Variants in TMEM163 observed in about 807,000 individuals in gnomAD.
The protein encoded by TMEM163 is transmembrane protein 163.
In TMEM163, 17 loss-of-function variants were observed where a neutral mutation model predicts 29.3. The observed-to-expected ratio is 0.58, with a 90% CI of 0.40 to 0.87. TMEM163 has a LOEUF of 0.87. Among genes scored for constraint, TMEM163 ranks in the 40% least tolerant of loss-of-function variants. The pLI, the probability that TMEM163 is intolerant of heterozygous loss-of-function variation, is 0.00. For synonymous variants in TMEM163, 157 were observed against 160.6 expected (o/e 0.98, Z 0.17); for missense variants, 303 against 381.5 (o/e 0.79, Z 1.71).
intron 2 of TMEM163, among the ~76,000 whole-genome samples, chr2:134,564,719 T>C (rs187914120): frequency 5.0e-4 from 76 of 152,210 alleles, no homozygotes; most frequent in Non-Finnish European, 1.0e-3. Flanking sequence ...TGAAAGATGA[T>C]ACACAAATGA....
chr2:134,515,241 C>T (rs969593527), intron 4 of TMEM163, among the ~76,000 whole-genome samples: 1 of 152,128 alleles, frequency 6.6e-6, no homozygotes, highest in African/African-American at 2.4e-5. Flanking sequence ...AATAATCTTA[C>T]TGAATCAAAA....
chr2:134,656,553 C>G (rs762519687), intron 2 of TMEM163, among the ~76,000 whole-genome samples: 1 of 152,196 alleles, frequency 6.6e-6, no homozygotes, highest in Non-Finnish European at 1.5e-5. Flanking sequence ...TGTTCCTATT[C>G]GGCCATCTTG....
rs116524599 is a variant in TMEM163 at position 134,661,429 on chromosome 2, G to A, written c.322+51771C>T. ...ATTTATTTGCAGGAGAACTTATATC[G>A]ATGGGCAAATGAAAGGAATGCAGCC... On this transcript the variant is annotated intron_variant, in intron 2 of 7. Transcript: ENST00000281924. Among the ~76,000 whole-genome samples the A allele has an allele frequency of 2.8e-3, 433 of 152,266 alleles. 3 individuals carry two copies. Among genetic ancestry groups the A allele is most frequent in the African/African-American group, 9.8e-3 (406 of 41,560 alleles).
At chr2:134,467,263 A>C (rs1686690482) in intron 5 of TMEM163, 1 of 152,204 alleles carries the variant, frequency 6.6e-6, no homozygotes, top group Non-Finnish European at 1.5e-5. Context: ...CAAGAGTTGG[A>C]GATTAATCTC....
intron 2 of TMEM163, among the ~76,000 whole-genome samples, chr2:134,563,361 G>T (rs1026627750): frequency 6.6e-6 from 1 of 152,210 alleles, no homozygotes; most frequent in Non-Finnish European, 1.5e-5. Flanking sequence ...TATTAGAGCA[G>T]TGAGGCACTG....
intron 1 of TMEM163, among the ~76,000 whole-genome samples, 183 bp downstream of exon 1, chr2:134,718,551 G>A (rs1245338687): frequency 6.6e-6 from 1 of 152,186 alleles, no homozygotes; most frequent in Non-Finnish European, 1.5e-5. Flanking sequence ...CAGCCGAGGC[G>A]GTGCCGGCCG....
chr2:134,535,881 C>T (rs1680530041), intron 4 of TMEM163, among the ~76,000 whole-genome samples: 1 of 152,144 alleles, frequency 6.6e-6, no homozygotes, highest in Non-Finnish European at 1.5e-5. Context: ...CACCACGACG[C>T]CTGGCTTATT....
chr2:134,519,743 C>A (rs1680151753), intron 4 of TMEM163, among the ~76,000 whole-genome samples: 1 of 150,778 alleles, frequency 6.6e-6, no homozygotes, highest in South Asian at 2.1e-4. Context: ...ATACAAAAAT[C>A]CACCAGGCGT....
chr2:134,588,847 G>T (rs77185525), intron 2 of TMEM163, among the ~76,000 whole-genome samples: 78 of 152,154 alleles, frequency 5.1e-4, no homozygotes, highest in Middle Eastern at 3.4e-3. Context: ...CAAAACGTTG[G>T]GGGGGGAAGA....
rs556753666 is a variant in TMEM163 at position 134,511,143 on chromosome 2, G to C, written c.459-8146C>G. 4.6e-5 allele frequency among the ~76,000 whole-genome samples: 5 copies of C among 109,304 alleles called. No individual in the cohort carries two copies. In the East Asian group the frequency reaches 2.5e-3, roughly 54 times the overall value. The allele number at this position is 109,304 out of a possible 152,430, so 71.7% of individuals were successfully genotyped here. ...TACAGAGACAAAGCAGAAAAAAGGGGAGAACAAGGCGGGGGGGGGTGCTGT... is the reference window on the plus strand; with the variant it reads ...TACAGAGACAAAGCAGAAAAAAGGGCAGAACAAGGCGGGGGGGGGTGCTGT... On this transcript the variant is annotated intron_variant, in intron 4 of 7. Coordinates refer to ENST00000281924, the MANE Select transcript of TMEM163 (RefSeq NM_030923.5).
At chr2:134,566,963 G>A (rs1487386590) in intron 2 of TMEM163, among the ~76,000 whole-genome samples, 2 of 152,168 alleles carry the variant, frequency 1.3e-5, no homozygotes, top group African/African-American at 4.8e-5. Context: ...AAGCTTCTGT[G>A]TGTGCATGGG....
intron 4 of TMEM163, among the ~76,000 whole-genome samples, chr2:134,538,305 C>T (rs925983458): frequency 3.3e-5 from 5 of 152,114 alleles, no homozygotes; most frequent in Non-Finnish European, 7.4e-5. Flanking sequence ...TGAACCAGGC[C>T]CTCTCCAGAC....
chr2:134,642,896 T>C (rs1471999211), intron 2 of TMEM163, among the ~76,000 whole-genome samples: 1 of 152,118 alleles, frequency 6.6e-6, no homozygotes, highest in African/African-American at 2.4e-5. Context: ...CATTAAATGC[T>C]TATCTTTTTA....
At chr2:134,674,236 A>G (rs896236284) in intron 2 of TMEM163, among the ~76,000 whole-genome samples, 1 of 152,108 alleles carries the variant, frequency 6.6e-6, no homozygotes. Context: ...TTTTGCACTT[A>G]ACACATTACA....
In TMEM163 at chr2:134,717,584, T is replaced by C. The variant is rs537974578; in HGVS notation, c.202+1150A>G. On this transcript the variant is annotated intron_variant, in intron 1 of 7. Coordinates refer to ENST00000281924, the MANE Select transcript of TMEM163 (RefSeq NM_030923.5). Reference sequence around the variant, plus strand: ...AAAAATGTACAGGAGATACTAAGAATAGGACAGAAACCTGCTAAGTCTAAA... The same window carrying C: ...AAAAATGTACAGGAGATACTAAGAACAGGACAGAAACCTGCTAAGTCTAAA... Among the ~76,000 whole-genome samples, 4 of 152,222 alleles carry C rather than the reference T, an allele frequency of 2.6e-5. No individual in the cohort carries two copies. In the East Asian group the frequency reaches 7.7e-4, roughly 29 times the overall value.
chr2:134,506,554 G>A, intron 4 of TMEM163, among the ~76,000 whole-genome samples: 1 of 152,082 alleles, frequency 6.6e-6, no homozygotes, highest in East Asian at 1.9e-4. Context: ...AGGATTAGCG[G>A]GCTTGCCTAA....
intron 4 of TMEM163, among the ~76,000 whole-genome samples, chr2:134,528,904 A>G (rs549523952): frequency 2.6e-5 from 4 of 152,374 alleles, no homozygotes; most frequent in African/African-American, 9.6e-5. Flanking sequence ...CGGTGCATCA[A>G]TAAGATGCAA....
intron 5 of TMEM163, among the ~76,000 whole-genome samples, chr2:134,498,916 G>A (rs567503886): frequency 2.6e-5 from 4 of 152,318 alleles, no homozygotes; most frequent in South Asian, 4.1e-4. Flanking sequence ...AGTCCTGGAC[G>A]AGGAGACCAG....
chr2:134,702,760 T>C (rs2104893197), intron 2 of TMEM163, among the ~76,000 whole-genome samples: 1 of 152,148 alleles, frequency 6.6e-6, no homozygotes, highest in South Asian at 2.1e-4. Flanking sequence ...TTTAACTTAA[T>C]AATGGAAATG....
Sources: gnomAD v4.1 joint callset for allele counts (sites outside exome capture counted in the v4.1 genomes callset) on GRCh38, gnomAD v4.1.1 for gene constraint, MANE v1.5 for transcripts, NCBI Gene and HGNC (gene_info 2026-07-23, HGNC 2026-07-21) for gene names.